The following MED29 variants were observed in gnomAD, a reference collection of about 807,000 sequenced individuals.
MED29 encodes the protein mediator complex subunit 29.
MED29 carries 14 observed loss-of-function variants against 22.0 expected under a neutral mutation model. The ratio of observed to expected loss-of-function variants is 0.64; its 90% CI spans 0.42 to 0.99. The LOEUF is 0.99. Ranked by LOEUF, MED29 falls within the 50% of genes least tolerant of loss-of-function variation. The pLI is 0.00. For missense variants in MED29, 241 were observed against 253.7 expected (o/e 0.95, Z 0.34); for synonymous variants, 123 against 107.8 (o/e 1.14, Z -0.87).
At chr19:39,393,459 A>G (rs976250829) in intron 2 of MED29, 94 bp from the exon 3 acceptor site, 6 of 1,153,616 alleles carry the variant, frequency 5.2e-6, no homozygotes, top group Non-Finnish European at 7.9e-6. Context: ...CTGGACCTGT[A>G]CCTGGTTTCC....
intron 2 of MED29, 44 bp from the exon 3 acceptor site, chr19:39,393,509 A>T (rs1568378367): frequency 1.3e-6 from 2 of 1,577,542 alleles, no homozygotes; most frequent in South Asian, 2.2e-5. Context: ...TGTCCCAAAG[A>T]TTAGAAATCA....
At chr19:39,394,555 CCTTT>C (rs2078417773) in intron 3 of MED29, among the ~76,000 whole-genome samples, 1 of 125,360 alleles carries the variant, frequency 8.0e-6, no homozygotes, top group African/African-American at 3.2e-5. Flanking sequence ...CTGCACCCGG[CCTTT>C]TTTTTTTTTT....
At position 39,392,350 on chromosome 19, in the gene MED29, G is replaced by A. The variant is rs538683032; in HGVS notation, c.217-114G>A. 10 of 874,904 alleles carry A rather than the reference G, an allele frequency of 1.1e-5. No individual in the cohort carries two copies. In the East Asian group the frequency reaches 1.8e-4, roughly 15 times the overall value. The allele number at this position is 874,904 out of a possible 1,614,324, so 54.2% of individuals were successfully genotyped here. On this transcript the variant is annotated intron_variant, in intron 1 of 3. Coordinates refer to ENST00000315588, the MANE Select transcript of MED29 (RefSeq NM_017592.4). The stretch of plus-strand genomic sequence containing the variant: ...ACTTTGGAAAGTCAGGAGGGAAGGT[G>A]CCAGTTGAAAAGAAAACCTGAGACT...
chr19:39,395,117 C>G (rs1191243793), intron 3 of MED29, among the ~76,000 whole-genome samples: 1 of 152,046 alleles, frequency 6.6e-6, no homozygotes, highest in African/African-American at 2.4e-5. Flanking sequence ...GCCTCCCAAG[C>G]GCTGGGATTA....
At chr19:39,395,527 G>C (rs2078423468) in intron 3 of MED29, among the ~76,000 whole-genome samples, 1 of 152,190 alleles carries the variant, frequency 6.6e-6, no homozygotes, top group African/African-American at 2.4e-5. Context: ...GGGGGAACTT[G>C]AGAGGCTTCG....
intron 2 of MED29, 151 bp downstream of exon 2, chr19:39,392,673 C>T (rs2078399354): frequency 3.1e-6 from 2 of 647,102 alleles, no homozygotes; most frequent in Admixed American, 3.2e-5. Flanking sequence ...GTCACCCAGG[C>T]TGGACTACAG....
chr19:39,397,361 C>G, intron 3 of MED29, 96 bp from the exon 4 acceptor site: 1 of 1,380,662 alleles, frequency 7.2e-7, no homozygotes, highest in South Asian at 1.3e-5. Context: ...CCTGGGAAAT[C>G]CAGAGGCCAA....
intron 3 of MED29, among the ~76,000 whole-genome samples, chr19:39,394,423 A>G (rs1265282073): frequency 6.6e-6 from 1 of 151,596 alleles, no homozygotes; most frequent in Admixed American, 6.6e-5. Flanking sequence ...CGCCTGGCTA[A>G]TTTTTGTATT....
rs534567073 is a variant in MED29 at position 39,393,189 on chromosome 19, G to A, written c.276-364G>A. Reference sequence around the variant, plus strand: ...CAGCTCACTGCAACCTCTGCCTCCCGGGTTCAAATGATTCTCCTGCCTCGG... The same window carrying A: ...CAGCTCACTGCAACCTCTGCCTCCCAGGTTCAAATGATTCTCCTGCCTCGG... On this transcript the variant is annotated intron_variant, in intron 2 of 3. Transcript: ENST00000315588. Among the ~76,000 whole-genome samples, 9 of 138,652 alleles carry A rather than the reference G, an allele frequency of 6.5e-5. No homozygotes were observed. In the South Asian group the frequency reaches 7.4e-4, roughly 11 times the overall value. The allele number at this position is 138,652 out of a possible 152,430, so 91.0% of individuals were successfully genotyped here.
chr19:39,393,342 C>T (rs546058558), intron 2 of MED29, among the ~76,000 whole-genome samples: 6 of 151,940 alleles, frequency 3.9e-5, no homozygotes, highest in African/African-American at 9.7e-5. Context: ...GTGATCTGCT[C>T]GCCTCGGACT....
chr19:39,397,761 G>T lies in MED29; in HGVS notation c.*62G>T. 6.4e-7 allele frequency: 1 copy of T among 1,569,208 alleles called. No individual in the cohort carries two copies. Among genetic ancestry groups the T allele is most frequent in the Non-Finnish European group, 8.6e-7 (1 of 1,160,878 alleles). The stretch of plus-strand genomic sequence containing the variant: ...GGGTGGTGTGCAAAGGGAATGAAGA[G>T]CGTCCTGGGCCTAAACACAGCAGCC... On this transcript the variant is annotated 3_prime_UTR_variant, in exon 4 of 4. Transcript: ENST00000315588.
chr19:39,391,898 G>C (rs978353070), intron 1 of MED29, among the ~76,000 whole-genome samples: 22 of 152,106 alleles, frequency 1.4e-4, no homozygotes, highest in Admixed American at 1.2e-3. Context: ...GGTGGCGCGC[G>C]CCTGTAATTA....
chr19:39,392,702 T>C (rs923616871), intron 2 of MED29, 180 bp downstream of exon 2: 12 of 578,564 alleles, frequency 2.1e-5, no homozygotes, highest in Middle Eastern at 4.5e-4. Flanking sequence ...TCTTGGCTCA[T>C]TGCAGCCTTG....
chr19:39,392,461 T>C lies in MED29; in HGVS notation c.217-3T>C. The C allele has an allele frequency of 1.9e-6, 3 of 1,613,948 alleles. No individual in the cohort carries two copies. Among genetic ancestry groups the C allele is most frequent in the Non-Finnish European group, 2.5e-6 (3 of 1,179,922 alleles). On this transcript the variant is annotated splice_region_variant and splice_polypyrimidine_tract_variant and intron_variant, in intron 1 of 3. Coordinates refer to ENST00000315588, the MANE Select transcript of MED29 (RefSeq NM_017592.4). ...CCACGTGTTTTGTTTTTGTTTTGACTAGACCTTGATGAAGGTTGCGGCCCA... is the reference window on the plus strand; with the variant it reads ...CCACGTGTTTTGTTTTTGTTTTGACCAGACCTTGATGAAGGTTGCGGCCCA...
In MED29 at chr19:39,400,463, TAATTA is replaced by T. The variant is rs1471704417; in HGVS notation, c.*2768_*2772del. The T allele has an allele frequency of 1.3e-5, 2 of 152,214 alleles. No homozygotes were observed. Among genetic ancestry groups the T allele is most frequent in the Non-Finnish European group, 2.9e-5 (2 of 68,040 alleles). The allele number at this position is 152,214 out of a possible 1,614,324, so 9.4% of individuals were successfully genotyped here. A position where few individuals can be genotyped will look rare whatever the true frequency, so the allele number is the denominator to read the frequency against. On this transcript the variant is annotated 3_prime_UTR_variant, in exon 4 of 4. Coordinates refer to ENST00000315588, the MANE Select transcript of MED29 (RefSeq NM_017592.4). ...TTGAAGATCAAAAAATGGAAATGTATAATTAAATCATACTTAGCAAATCTAACACA... is the reference window on the plus strand; with the variant it reads ...TTGAAGATCAAAAAATGGAAATGTATAATCATACTTAGCAAATCTAACACA...
At chr19:39,393,076 CTTTTCTTT>C (rs1568378168) in intron 2 of MED29, among the ~76,000 whole-genome samples, 4 of 55,298 alleles carry the variant, frequency 7.2e-5, no homozygotes, top group South Asian at 6.6e-4. Context: ...TTCTTTCTTT[CTTTTCTTT>C]TTTTTTTTTT....
intron 3 of MED29, among the ~76,000 whole-genome samples, chr19:39,395,511 A>T (rs2078423360): frequency 6.6e-6 from 1 of 152,056 alleles, no homozygotes; most frequent in Non-Finnish European, 1.5e-5. Context: ...GGAAATGGGG[A>T]AGACTGGGGG....
At position 39,398,051 on chromosome 19, in the gene MED29, A is replaced by T; in HGVS notation, c.*352A>T. 2 of 491,232 alleles carry T rather than the reference A, an allele frequency of 4.1e-6. No individual in the cohort carries two copies. The highest frequency in any genetic ancestry group is 7.2e-6 in the Non-Finnish European group (2 of 276,124). 30.4% of individuals were successfully genotyped at this position (491,232 alleles called of 1,614,324 possible). ...AGCTGGGAGGTGGTCTCTGTGTGCC[A>T]CTCCTCTGTGTCTCTATTACAGTTG... On this transcript the variant is annotated 3_prime_UTR_variant, in exon 4 of 4. Transcript: ENST00000315588.
intron 1 of MED29, 74 bp from the exon 2 acceptor site, chr19:39,392,388 GAA>G (rs2078391557): frequency 7.7e-7 from 1 of 1,300,388 alleles, no homozygotes; most frequent in Admixed American, 1.7e-5. Flanking sequence ...GTGATCTCAA[GAA>G]AGAGTGTAGA....
Sources: gnomAD v4.1 joint callset for allele counts (sites outside exome capture counted in the v4.1 genomes callset) on GRCh38, gnomAD v4.1.1 for gene constraint, MANE v1.5 for transcripts, NCBI Gene and HGNC (gene_info 2026-07-23, HGNC 2026-07-21) for gene names.